Variants in STK32C observed in about 807,000 individuals in gnomAD.
STK32C encodes the protein serine/threonine-protein kinase 32C.
In STK32C, 31 loss-of-function variants were observed where a neutral mutation model predicts 56.5. The observed-to-expected ratio is 0.55, with a 90% confidence interval of 0.41 to 0.74. STK32C has a LOEUF of 0.74. Ranked by LOEUF, STK32C falls within the 30% of genes least tolerant of loss-of-function variation. STK32C has a pLI of 0.00. For missense variants in STK32C, 544 were observed against 676.9 expected (o/e 0.80, Z 2.18); for synonymous variants, 309 against 289.4 (o/e 1.07, Z -0.69).
chr10:132,274,885 T>C (rs2064951104), intron 1 of STK32C, among the ~76,000 whole-genome samples: 1 of 152,134 alleles, frequency 6.6e-6, no homozygotes, highest in South Asian at 2.1e-4. Context: ...ACTCCTTCAG[T>C]GAGAGCCTTA....
chr10:132,266,045 C>T (rs2064510870), intron 1 of STK32C, among the ~76,000 whole-genome samples: 1 of 152,170 alleles, frequency 6.6e-6, no homozygotes, highest in Admixed American at 6.5e-5. Context: ...TGCTTTGCTG[C>T]CTTACAACAG....
chr10:132,330,368 T>C lies in STK32C; in HGVS notation c.301+1068A>G. On this transcript the variant is annotated intron_variant, in intron 1 of 1. Coordinates refer to the STK32C transcript ENST00000368619. ...TTAGAAATAGCATCGTGCTGAAATC[T>C]TCCATCCCCTTCGCCACTCACGGCA... 9.9e-6 allele frequency: 7 copies of C among 704,776 alleles called. No individual in the cohort carries two copies. The South Asian group carries it at 1.0e-4, about 11-fold the overall frequency. 43.7% of individuals were successfully genotyped at this position (704,776 alleles called of 1,614,324 possible). A position where few individuals can be genotyped will look rare whatever the true frequency, so the allele number is the denominator to read the frequency against.
chr10:132,212,591 C>T (rs2062343667), intron 10 of STK32C, among the ~76,000 whole-genome samples: 1 of 152,196 alleles, frequency 6.6e-6, no homozygotes, highest in African/African-American at 2.4e-5. Context: ...GACTTCCCTG[C>T]TGCAAATGAT....
intron 1 of STK32C, among the ~76,000 whole-genome samples, chr10:132,301,760 G>C (rs1392693714): frequency 2.0e-5 from 3 of 152,236 alleles, no homozygotes; most frequent in Non-Finnish European, 4.4e-5. Flanking sequence ...GGACTGAGAG[G>C]AACAGAAGGA....
At chr10:132,304,361 C>T (rs768679719) in intron 1 of STK32C, among the ~76,000 whole-genome samples, 8 of 152,040 alleles carry the variant, frequency 5.3e-5, no homozygotes, top group South Asian at 2.1e-4. Context: ...CCACAGTTCA[C>T]GGGTGTGGGG....
At chr10:132,228,860 A>G (rs1297696356) in intron 2 of STK32C, among the ~76,000 whole-genome samples, 1 of 152,320 alleles carries the variant, frequency 6.6e-6, no homozygotes, top group Admixed American at 6.5e-5. Context: ...AAGGAGACAC[A>G]CAGAGTGAGC....
rs1458387217 is a variant in STK32C, at chr10:132,224,516, T to C, written c.884A>G (p.Tyr295Cys). ...CACGGCGTTGCTGGAGTGGATGTCATAGGGCCTCTGGAGACAGGGAGGCAG... is the reference window on the plus strand; with the variant it reads ...CACGGCGTTGCTGGAGTGGATGTCACAGGGCCTCTGGAGACAGGGAGGCAG... ...AYELLRGWRP[Y>C]DIHSSNAVES... The change falls in exon 8 of 12, where the codon TAT (tyrosine) becomes TGT (cysteine). Residue 295 changes from tyrosine (Y) to cysteine (C), a missense_variant. By Grantham distance (194) the Tyr-to-Cys change is radical. Coordinates refer to ENST00000298630, the MANE Select transcript of STK32C (RefSeq NM_173575.4). 1.9e-6 allele frequency: 3 copies of C among 1,592,354 alleles called. No individual in the cohort carries two copies. The highest frequency in any genetic ancestry group is 2.3e-5 in the East Asian group (1 of 44,088).
At chr10:132,248,547 C>T (rs11146266) in intron 1 of STK32C, among the ~76,000 whole-genome samples, 22,334 of 152,266 alleles carry the variant, frequency 0.15, 1,845 homozygotes, top group East Asian at 0.24. Flanking sequence ...CTCCTTGCAG[C>T]GGCCGGTAGA....
chr10:132,276,395 C>T (rs562612184), intron 1 of STK32C, among the ~76,000 whole-genome samples: 2 of 152,182 alleles, frequency 1.3e-5, no homozygotes, highest in Admixed American at 6.5e-5. Flanking sequence ...GTGCCAGCTA[C>T]ACGGTGTCTA....
At chr10:132,243,446 G>A (rs904135310) in intron 2 of STK32C, among the ~76,000 whole-genome samples, 7 of 152,206 alleles carry the variant, frequency 4.6e-5, no homozygotes, top group African/African-American at 1.2e-4. Context: ...AGGCAGGGGC[G>A]GAGGGCAGGC....
At chr10:132,247,696 G>A (rs1156719558) in intron 1 of STK32C, among the ~76,000 whole-genome samples, 1 of 152,162 alleles carries the variant, frequency 6.6e-6, no homozygotes, top group Non-Finnish European at 1.5e-5. Context: ...AGAGCACCTG[G>A]GGGTGAGGAA....
chr10:132,296,337 G>A (rs192431763), intron 1 of STK32C, among the ~76,000 whole-genome samples: 1 of 152,118 alleles, frequency 6.6e-6, no homozygotes, highest in East Asian at 1.9e-4. Context: ...GGGAACAACT[G>A]AGGAGATCTG....
intron 1 of STK32C, among the ~76,000 whole-genome samples, chr10:132,253,706 G>A (rs910104091): frequency 1.1e-4 from 16 of 152,156 alleles, no homozygotes; most frequent in African/African-American, 3.6e-4. Context: ...TGAGGGAGCC[G>A]CCCCTCCACA....
At chr10:132,217,193 C>A (rs776256490) in intron 10 of STK32C, among the ~76,000 whole-genome samples, 12 of 152,268 alleles carry the variant, frequency 7.9e-5, no homozygotes, top group Non-Finnish European at 1.5e-4. Context: ...CCATGGGAAC[C>A]CAACTCTTGC....
chr10:132,256,238 A>G (rs2064118100), intron 1 of STK32C, among the ~76,000 whole-genome samples: 1 of 152,094 alleles, frequency 6.6e-6, no homozygotes, highest in Non-Finnish European at 1.5e-5. Context: ...TCTCCTGCCC[A>G]GGTACACACC....
At chr10:132,295,167 C>T (rs1206998090) in intron 1 of STK32C, among the ~76,000 whole-genome samples, 5 of 152,088 alleles carry the variant, frequency 3.3e-5, no homozygotes, top group South Asian at 2.1e-4. Flanking sequence ...AGTCTTAAGC[C>T]GGCAGTGACA....
At chr10:132,225,125 A>T in intron 7 of STK32C, 108 bp downstream of exon 7, 1 of 790,900 alleles carries the variant, frequency 1.3e-6, no homozygotes, top group Non-Finnish European at 2.0e-6. Context: ...CACAGTGGAG[A>T]CATCCCTGCG....
chr10:132,232,412 T>G (rs753738362), intron 2 of STK32C, among the ~76,000 whole-genome samples: 1 of 152,026 alleles, frequency 6.6e-6, no homozygotes, highest in East Asian at 1.9e-4. Context: ...CAACGAGCGG[T>G]GGCGTAAAGC....
intron 1 of STK32C, among the ~76,000 whole-genome samples, chr10:132,287,364 G>C (rs1398175989): frequency 2.7e-5 from 4 of 150,184 alleles, no homozygotes; most frequent in African/African-American, 9.8e-5. Context: ...GGTGGTGTGA[G>C]TCTGTAATCC....
Sources: gnomAD v4.1 joint callset for allele counts (sites outside exome capture counted in the v4.1 genomes callset) on GRCh38, gnomAD v4.1.1 for gene constraint, MANE v1.5 for transcripts, NCBI Gene and HGNC (gene_info 2026-07-23, HGNC 2026-07-21) for gene names.